The following NOTCH2 variants were observed in gnomAD, a reference collection of about 807,000 sequenced individuals.
The protein encoded by NOTCH2 is neurogenic locus notch homolog protein 2.
Under a neutral mutation model 235.8 loss-of-function variants are expected in NOTCH2, and 29 were observed. The ratio of observed to expected loss-of-function variants is 0.12; its 90% CI spans 0.09 to 0.17. The LOEUF (loss-of-function observed/expected upper bound fraction) is 0.17, where lower values mean the gene tolerates loss of function less well. NOTCH2 is among the 10% of genes least tolerant of loss of function. The pLI, the probability that NOTCH2 is intolerant of heterozygous loss-of-function variation, is 1.00. For synonymous variants in NOTCH2, 1,086 were observed against 1,141.5 expected, an observed-to-expected ratio of 0.95 and a Z score of 0.98; for missense variants, 2,285 against 3,150.2, an observed-to-expected ratio of 0.73 and a Z score of 6.57.
At chr1:119,980,945 C>T (rs116460279) in intron 5 of NOTCH2, among the ~76,000 whole-genome samples, 203 of 152,236 alleles carry the variant, frequency 1.3e-3, no homozygotes, top group African/African-American at 4.1e-3. Flanking sequence ...TTCTTTGGAT[C>T]CCCTTCCTCG....
At chr1:119,922,553 ATAGAGGGC>A in intron 27 of NOTCH2, 75 bp downstream of exon 27, 2 of 1,608,066 alleles carry the variant, frequency 1.2e-6, no homozygotes, top group South Asian at 2.2e-5. Flanking sequence ...TCCTGAAAAA[ATAGAGGGC>A]TACATAATGA....
At chr1:119,918,289 G>C in intron 32 of NOTCH2, 117 bp downstream of exon 32, 2 of 1,133,810 alleles carry the variant, frequency 1.8e-6, no homozygotes, top group South Asian at 1.2e-5. Flanking sequence ...GAAAGAATGA[G>C]TGAATCTCTC....
At chr1:119,917,643 G>A in intron 33 of NOTCH2, 22 bp downstream of exon 33, 2 of 1,531,694 alleles carry the variant, frequency 1.3e-6, no homozygotes, top group Non-Finnish European at 1.8e-6. Context: ...GCCTCCTCAA[G>A]CTCAGAGCCC....
chr1:120,069,550 C>A lies in NOTCH2; in HGVS notation c.-144G>T, dbSNP rs1169217500. ...GGCCCTGGCGCTACGCTCCGAAGCC[C>A]AGGCGCAAATGCCTCGACTCCCCGC... On this transcript the variant is annotated 5_prime_UTR_variant, in exon 1 of 34. Transcript: ENST00000256646. 10 of 1,414,416 alleles carry A rather than the reference C, an allele frequency of 7.1e-6. No homozygotes were observed. The highest frequency in any genetic ancestry group is 8.2e-6 in the Non-Finnish European group (9 of 1,092,744). The allele number at this position is 1,414,416 out of a possible 1,614,324, so 87.6% of individuals were successfully genotyped here. A position where few individuals can be genotyped will look rare whatever the true frequency, so the allele number is the denominator to read the frequency against.
rs12038611 is a variant in NOTCH2, at chr1:120,027,874, C to A, written c.155+2032G>T. On this transcript the variant is annotated intron_variant, in intron 2 of 33. Coordinates refer to ENST00000256646, the MANE Select transcript of NOTCH2 (RefSeq NM_024408.4). ...GCCACATTTTCTTTATCCAGTCTATCACCGTTGGGCATTTGGGTTGGTTCC... is the reference window on the plus strand; with the variant it reads ...GCCACATTTTCTTTATCCAGTCTATAACCGTTGGGCATTTGGGTTGGTTCC... 1.1e-3 allele frequency among the ~76,000 whole-genome samples: 157 copies of A among 143,696 alleles called. 4 individuals carry two copies. The highest frequency in any genetic ancestry group is 4.2e-3 in the African/African-American group (149 of 35,544). The allele number at this position is 143,696 out of a possible 152,430, so 94.3% of individuals were successfully genotyped here.
intron 11 of NOTCH2, among the ~76,000 whole-genome samples, chr1:119,961,522 C>T (rs1650936696): frequency 6.6e-6 from 1 of 152,182 alleles, no homozygotes; most frequent in African/African-American, 2.4e-5. Flanking sequence ...CTACAAATGC[C>T]CAGTTTCCTA....
rs2101210401 is a variant in NOTCH2 at position 119,996,990 on chromosome 1, T to C, written c.751+7A>G. On this transcript the variant is annotated splice_region_variant and intron_variant, in intron 4 of 33. Coordinates refer to ENST00000256646, the MANE Select transcript of NOTCH2 (RefSeq NM_024408.4). ...CCCTAATCCTGGGACACTAGGGAGC[T>C]CCTTACCTGGAAGGCAGTTGCACTC... The C allele has an allele frequency of 6.2e-7, 1 of 1,613,196 alleles. No homozygotes were observed. Among genetic ancestry groups the C allele is most frequent in the Non-Finnish European group, 8.5e-7 (1 of 1,179,390 alleles).
rs1369679869 is a variant in NOTCH2 at position 119,921,722 on chromosome 1, C to A, written c.5301G>T (p.Lys1767Asn). The A allele has an allele frequency of 1.2e-5, 19 of 1,613,996 alleles. No homozygotes were observed. The change falls in exon 29 of 34, where the codon AAG (lysine) becomes AAT (asparagine). Residue 1767 changes from lysine (K) to asparagine (N), a missense_variant. This residue lies in a region of NOTCH2 where 1,173 missense variants were observed against 1,515.3 expected (regional missense o/e 0.77). Coordinates refer to ENST00000256646, the MANE Select transcript of NOTCH2 (RefSeq NM_024408.4). ...ACCATGGCCACCTCACCTTTACTTT[C>A]TTTGGCTGGGGCCCTTCATCATCGA... ...HWVDDEGPQP[K>N]KVKAEDEALL...
intron 1 of NOTCH2, among the ~76,000 whole-genome samples, chr1:120,037,037 T>G (rs1654331626): frequency 6.6e-6 from 1 of 152,052 alleles, no homozygotes; most frequent in African/African-American, 2.4e-5. Flanking sequence ...TGCATTAACA[T>G]GTAATCGTTT....
chr1:120,023,090 T>C (rs1309721974), intron 2 of NOTCH2, among the ~76,000 whole-genome samples: 4 of 151,820 alleles, frequency 2.6e-5, no homozygotes, highest in African/African-American at 9.7e-5. Flanking sequence ...TTGCCAAAGA[T>C]CCAATTGTTA....
intron 15 of NOTCH2, among the ~76,000 whole-genome samples, chr1:119,949,670 C>T (rs1165822793): frequency 3.3e-5 from 5 of 152,048 alleles, no homozygotes; most frequent in African/African-American, 1.2e-4. Context: ...ACAGGGTGAG[C>T]CACCGTGCCT....
intron 22 of NOTCH2, among the ~76,000 whole-genome samples, chr1:119,932,051 A>G (rs1280077378): frequency 1.3e-5 from 2 of 149,872 alleles, no homozygotes; most frequent in African/African-American, 4.9e-5. Context: ...AAAAAATCAA[A>G]AGAAAATGAT....
intron 3 of NOTCH2, among the ~76,000 whole-genome samples, chr1:120,000,058 C>T (rs1378411384): frequency 6.6e-6 from 1 of 151,980 alleles, no homozygotes; most frequent in African/African-American, 2.4e-5. Flanking sequence ...AAAGAATCAA[C>T]CCTGAATTTG....
In NOTCH2 at chr1:119,955,139, A is replaced by G. The variant is rs782492846; in HGVS notation, c.2120T>C (p.Ile707Thr). The G allele has an allele frequency of 6.2e-7, 1 of 1,614,134 alleles. No homozygotes were observed. Among genetic ancestry groups the G allele is most frequent in the Admixed American group, 1.7e-5 (1 of 60,012 alleles). ...GGGGTGATGGGGTCCCTCGGGGCAT[A>G]TACAGCGGAAACCATTCACACCGTT... is the stretch of plus-strand genomic sequence containing the variant. ...CINGVNGFRC[I>T]CPEGPHHPSC... The change falls in exon 13 of 34, where the codon ATA (isoleucine) becomes ACA (threonine). Residue 707 changes from isoleucine to threonine, a missense_variant. Ile to Thr is a moderately conservative substitution (Grantham distance 89). Coordinates refer to ENST00000256646, the MANE Select transcript of NOTCH2 (RefSeq NM_024408.4).
At chr1:119,955,300 C>A in intron 12 of NOTCH2, 68 bp from the exon 13 acceptor site, 1 of 1,512,234 alleles carries the variant, frequency 6.6e-7, no homozygotes, top group Non-Finnish European at 9.2e-7. Context: ...AACTATAAGA[C>A]ACGTTATGTT....
intron 1 of NOTCH2, among the ~76,000 whole-genome samples, chr1:120,051,267 A>ACG (rs1440959305): frequency 1.9e-5 from 2 of 103,000 alleles, no homozygotes; most frequent in African/African-American, 7.9e-5. Context: ...ACACACACAC[A>ACG]CACACACGCA....
Position 119,968,159 on chromosome 1 carries a change from G to A in NOTCH2, c.1182C>T (p.Pro394=). The A allele has an allele frequency of 6.2e-7, 1 of 1,614,078 alleles. No individual in the cohort carries two copies. The highest frequency in any genetic ancestry group is 2.2e-5 in the East Asian group (1 of 44,864). The change falls in exon 7 of 34, where the codon CCC becomes CCT. Residue 394 remains proline (P), a synonymous_variant. Coordinates refer to ENST00000256646, the MANE Select transcript of NOTCH2 (RefSeq NM_024408.4). ...AGGTGCAAATATATTGCCCATTTAGGGGGTTGGTGTCACACAGTGCCCCCT... is the reference window on the plus strand; with the variant it reads ...AGGTGCAAATATATTGCCCATTTAGAGGGTTGGTGTCACACAGTGCCCCCT... ...CHKGALCDTN[P]LNGQYICTCP...
At chr1:119,941,485 T>C (rs782310609) in intron 18 of NOTCH2, 41 bp downstream of exon 18, 3 of 1,424,070 alleles carry the variant, frequency 2.1e-6, no homozygotes, top group Middle Eastern at 2.2e-4. Context: ...TTTCTCCCTT[T>C]CTCTCGTAAG....
chr1:119,953,699 A>G lies in NOTCH2; in HGVS notation c.2220-11T>C, dbSNP rs376913392. On this transcript the variant is annotated splice_polypyrimidine_tract_variant and intron_variant, in intron 13 of 33. Coordinates refer to ENST00000256646, the MANE Select transcript of NOTCH2 (RefSeq NM_024408.4). ...CAGAGACACTTATATCTGAAAGAAG[A>G]CAAAACTTTTTACTATAGGAGGTAT... is the stretch of plus-strand genomic sequence containing the variant. 11 of 1,613,728 alleles carry G rather than the reference A, an allele frequency of 6.8e-6. No individual in the cohort carries two copies. The African/African-American group carries it at 8.0e-5, about 12-fold the overall frequency.
Sources: allele counts gnomAD v4.1 joint callset (sites outside exome capture counted in the v4.1 genomes callset), GRCh38; gene constraint gnomAD v4.1.1; regional missense constraint gnomAD v4.1.1; transcripts MANE v1.5; gene names NCBI Gene and HGNC (gene_info 2026-07-23, HGNC 2026-07-21).